Variants in DISP2 observed in about 807,000 individuals in gnomAD.
DISP2 encodes the protein protein dispatched homolog 2.
A neutral mutation model predicts 95.5 loss-of-function variants in DISP2; 59 were observed. The observed-to-expected ratio is 0.62, with a 90% CI of 0.50 to 0.77. DISP2 has a LOEUF of 0.77. Ranked by LOEUF, DISP2 falls within the 30% of genes least tolerant of loss-of-function variation. The probability of loss-of-function intolerance (pLI) is 0.00; values close to 1 mark genes in which losing one functional copy is unlikely to be tolerated. For synonymous variants in DISP2, 827 were observed against 815.0 expected (o/e 1.01, Z -0.25); for missense variants, 1,752 against 1,854.6 (o/e 0.94, Z 1.02).
In DISP2 at chr15:40,368,840, A is replaced by C. The variant is rs1191436562; in HGVS notation, c.2728A>C (p.Asn910His). 1 of 1,613,992 alleles carries C rather than the reference A, an allele frequency of 6.2e-7. No individual in the cohort carries two copies. Among genetic ancestry groups the C allele is most frequent in the Admixed American group, 1.7e-5 (1 of 60,034 alleles). ...LAALVLQFQTNFRNSPDYNQT... is the reference protein window; with the variant it reads ...LAALVLQFQTHFRNSPDYNQT... The stretch of plus-strand genomic sequence containing the variant: ...CGCCCTGGTCCTACAATTCCAGACC[A>C]ACTTCCGGAACAGTCCGGACTACAA... The change falls in exon 8 of 8, where the codon AAC (asparagine) becomes CAC (histidine). Residue 910 changes from asparagine (N) to histidine (H), a missense_variant. This residue lies in a region of DISP2 where 317 missense variants were observed against 394.9 expected (regional missense o/e 0.80). Coordinates refer to ENST00000267889, the MANE Select transcript of DISP2 (RefSeq NM_033510.3).
Position 40,368,458 on chromosome 15 carries a change from C to T in DISP2, c.2346C>T (p.Asp782=), listed in dbSNP as rs1264661910. ...TGGTGTGGGGCGTCCTGCCTGTGGACACTGGCGACCCTCTGGACCCTCGTA... is the reference window on the plus strand; with the variant it reads ...TGGTGTGGGGCGTCCTGCCTGTGGATACTGGCGACCCTCTGGACCCTCGTA... ...VVLVWGVLPV[D]TGDPLDPRSN... Residue 782 remains aspartate (D), a synonymous_variant, in exon 8 of 8, where the codon GAC becomes GAT. Coordinates refer to ENST00000267889, the MANE Select transcript of DISP2 (RefSeq NM_033510.3). The T allele has an allele frequency of 1.9e-6, 3 of 1,609,524 alleles. No homozygotes were observed. The highest frequency in any genetic ancestry group is 2.2e-5 in the East Asian group (1 of 44,872).
rs1406654922 is a variant in DISP2, at chr15:40,373,291, A to G, written c.*2973A>G. 6.6e-6 allele frequency: 1 copy of G among 152,170 alleles called. No homozygotes were observed. The highest frequency in any genetic ancestry group is 1.5e-5 in the Non-Finnish European group (1 of 68,032). 9.4% of individuals were successfully genotyped at this position (152,170 alleles called of 1,614,324 possible). On this transcript the variant is annotated 3_prime_UTR_variant, in exon 8 of 8. Coordinates refer to ENST00000267889, the MANE Select transcript of DISP2 (RefSeq NM_033510.3). ...AAAATTCAAGAAATGATTTCTCCCCACTCAGACACTCTAATAGAACTACAT... is the reference window on the plus strand; with the variant it reads ...AAAATTCAAGAAATGATTTCTCCCCGCTCAGACACTCTAATAGAACTACAT...
At position 40,358,444 on chromosome 15, in the gene DISP2, G is replaced by GGGCGGACAGCTCC. The variant is rs1420400730; in HGVS notation, c.119+6_119+18dup. 17 of 1,308,988 alleles carry GGGCGGACAGCTCC rather than the reference G, an allele frequency of 1.3e-5. No homozygotes were observed. Among genetic ancestry groups the GGGCGGACAGCTCC allele is most frequent in the African/African-American group, 1.5e-5 (1 of 64,940 alleles). The allele number at this position is 1,308,988 out of a possible 1,614,324, so 81.1% of individuals were successfully genotyped here. Reference sequence around the variant, plus strand: ...CAGACGGCGGCTCCCCGGACAGGTAGGGCGGACAGCTCCGCAGATCCGTAT... The same window carrying GGGCGGACAGCTCC: ...CAGACGGCGGCTCCCCGGACAGGTAGGGCGGACAGCTCCGGCGGACAGCTCCGCAGATCCGTAT... On this transcript the variant is annotated splice_donor_region_variant and intron_variant, in intron 1 of 7. Transcript: ENST00000267889.
rs1371820136 is a variant in DISP2 at position 40,370,694 on chromosome 15, C to T, written c.*376C>T. On this transcript the variant is annotated 3_prime_UTR_variant, in exon 8 of 8. Transcript: ENST00000267889. ...CAAGAACTTCAGTGAGACTAAGGGA[C>T]CCCCATCCTAGGGATCTTGTCAGGG... 2 of 484,768 alleles carry T rather than the reference C, an allele frequency of 4.1e-6. No homozygotes were observed. The highest frequency in any genetic ancestry group is 1.9e-5 in the African/African-American group (1 of 51,470). 30.0% of individuals were successfully genotyped at this position (484,768 alleles called of 1,614,324 possible).
rs1889749894 is a variant in DISP2, at chr15:40,377,741, T to C, written c.*7423T>C. 1 of 152,350 alleles carries C rather than the reference T, an allele frequency of 6.6e-6. No individual in the cohort carries two copies. The highest frequency in any genetic ancestry group is 2.4e-5 in the African/African-American group (1 of 41,430). 9.4% of individuals were successfully genotyped at this position (152,350 alleles called of 1,614,324 possible). ...GTGTTCCACAGAGCATGATTCATCATATAAGTGTAAGGAAACCACTTGAGA... is the reference window on the plus strand; with the variant it reads ...GTGTTCCACAGAGCATGATTCATCACATAAGTGTAAGGAAACCACTTGAGA... On this transcript the variant is annotated 3_prime_UTR_variant, in exon 8 of 8. Coordinates refer to ENST00000267889, the MANE Select transcript of DISP2 (RefSeq NM_033510.3).
rs1358511109 is a variant in DISP2, at chr15:40,368,316, C to G, written c.2204C>G (p.Pro735Arg). Residue 735 changes from proline (P) to arginine (R), a missense_variant, in exon 8 of 8, where the codon CCC becomes CGC. Pro to Arg is a moderately radical substitution (Grantham distance 103, BLOSUM62 -2). Around this residue, in one of 5 missense-constraint regions of DISP2, gnomAD observed 732 missense variants for 714.6 expected, o/e 1.02. Coordinates refer to ENST00000267889, the MANE Select transcript of DISP2 (RefSeq NM_033510.3). The part of the protein sequence containing the change: ...PRLRLPTLPP[P>R]GGQVFRPSHP... Reference sequence around the variant, plus strand: ...CTGCGGCTGCCCACGCTGCCGCCGCCCGGCGGCCAGGTCTTCCGGCCCAGC... The same window carrying G: ...CTGCGGCTGCCCACGCTGCCGCCGCGCGGCGGCCAGGTCTTCCGGCCCAGC... The G allele has an allele frequency of 1.2e-6, 2 of 1,603,416 alleles. No individual in the cohort carries two copies. The highest frequency in any genetic ancestry group is 8.5e-7 in the Non-Finnish European group (1 of 1,176,392).
Position 40,368,549 on chromosome 15 carries a change from C to T in DISP2, c.2437C>T (p.Leu813=). Residue 813 remains leucine, a synonymous_variant, in exon 8 of 8, where the codon CTG becomes TTG. Coordinates refer to ENST00000267889, the MANE Select transcript of DISP2 (RefSeq NM_033510.3). ...ASGPEAQRWL[L]ALCHRARNQS... is the part of the protein sequence containing the mutation. ...CGGCCCTGAGGCCCAGCGCTGGCTG[C>T]TGGCACTCTGTCACCGGGCCCGGAA... 1 of 1,604,536 alleles carries T rather than the reference C, an allele frequency of 6.2e-7. No individual in the cohort carries two copies. The highest frequency in any genetic ancestry group is 8.5e-7 in the Non-Finnish European group (1 of 1,179,914).
In DISP2 at chr15:40,359,713, T is replaced by C. The variant is rs976733297; in HGVS notation, c.119+1273T>C. On this transcript the variant is annotated intron_variant, in intron 1 of 7. Transcript: ENST00000267889. The stretch of plus-strand genomic sequence containing the variant: ...AACTCCCTGGGGCCTCTGGCCCCTC[T>C]CTGGACTTCTCCAGAGACCATAGAC... Among the ~76,000 whole-genome samples, 3 of 152,256 alleles carry C rather than the reference T, an allele frequency of 2.0e-5. No homozygotes were observed. The East Asian group carries it at 5.8e-4, about 29-fold the overall frequency.
In DISP2 at chr15:40,371,963, C is replaced by G. The variant is rs1440542665; in HGVS notation, c.*1645C>G. On this transcript the variant is annotated 3_prime_UTR_variant, in exon 8 of 8. Transcript: ENST00000267889. ...ACCCAGGACTGGGTAACAAGAAAGGCTTTCTGGAGGAGGAAAAACTTGAGC... is the reference window on the plus strand; with the variant it reads ...ACCCAGGACTGGGTAACAAGAAAGGGTTTCTGGAGGAGGAAAAACTTGAGC... 1 of 152,158 alleles carries G rather than the reference C, an allele frequency of 6.6e-6. No individual in the cohort carries two copies. Among genetic ancestry groups the G allele is most frequent in the Admixed American group, 6.5e-5 (1 of 15,272 alleles). The allele number at this position is 152,158 out of a possible 1,614,324, so 9.4% of individuals were successfully genotyped here.
chr15:40,366,013 C>T lies in DISP2; in HGVS notation c.945+288C>T, dbSNP rs147873947. 1.2e-3 allele frequency among the ~76,000 whole-genome samples: 185 copies of T among 152,350 alleles called. 3 individuals carry two copies. Among genetic ancestry groups the T allele is most frequent in the East Asian group, 6.9e-3 (36 of 5,182 alleles). On this transcript the variant is annotated intron_variant, in intron 7 of 7. Coordinates refer to ENST00000267889, the MANE Select transcript of DISP2 (RefSeq NM_033510.3). ...GGCCCTCCAGAGCGGGTGAGGAGGC[C>T]CTGGCCCAGGGAGCTGAGACTGTGG...
Position 40,367,670 on chromosome 15 carries a change from G to A in DISP2, c.1558G>A (p.Val520Met), listed in dbSNP as rs138998520. The stretch of plus-strand genomic sequence containing the variant: ...CCTCACGCTCATGGTGCTGCTGGGG[G>A]TGCTGGGCTCACTGCTGGTGGCCTT... The part of the protein sequence containing the change: ...LFLTLMVLLG[V>M]LGSLLVAFFL... Residue 520 changes from valine (V) to methionine (M), a missense_variant, in exon 8 of 8, where the codon GTG (valine) becomes ATG (methionine). Physicochemically the swap from Val to Met is conservative, Grantham distance 21. Around this residue, in one of 5 missense-constraint regions of DISP2, gnomAD observed 732 missense variants for 714.6 expected, o/e 1.02. Transcript: ENST00000267889. 4,921 of 1,614,020 alleles carry A rather than the reference G, an allele frequency of 3.0e-3. 16 individuals carry two copies. The highest frequency in any genetic ancestry group is 9.9e-3 in the Middle Eastern group (60 of 6,062).
Position 40,370,488 on chromosome 15 carries a change from T to C in DISP2, c.*170T>C. 2 of 1,188,544 alleles carry C rather than the reference T, an allele frequency of 1.7e-6. No homozygotes were observed. The highest frequency in any genetic ancestry group is 2.4e-6 in the Non-Finnish European group (2 of 843,014). 73.6% of individuals were successfully genotyped at this position (1,188,544 alleles called of 1,614,324 possible). ...GATGTCCCAGCCTTGATCTGTCTGC[T>C]CCTACTCCTCACATCTGGAGGATTC... On this transcript the variant is annotated 3_prime_UTR_variant, in exon 8 of 8. Transcript: ENST00000267889.
In DISP2 at chr15:40,376,107, T is replaced by A. The variant is rs76378943; in HGVS notation, c.*5789T>A. ...TCTTCATTTAAGAATTCAAATTCAT[T>A]GACATGTTATATTGTAAAATATATA... On this transcript the variant is annotated 3_prime_UTR_variant, in exon 8 of 8. Transcript: ENST00000267889. 1 of 152,130 alleles carries A rather than the reference T, an allele frequency of 6.6e-6. No individual in the cohort carries two copies. The highest frequency in any genetic ancestry group is 1.9e-4 in the East Asian group (1 of 5,190). 9.4% of individuals were successfully genotyped at this position (152,130 alleles called of 1,614,324 possible).
chr15:40,364,457 G>A lies in DISP2; in HGVS notation c.516G>A (p.Val172=). The A allele has an allele frequency of 2.5e-6, 4 of 1,613,990 alleles. No homozygotes were observed. The highest frequency in any genetic ancestry group is 3.4e-6 in the Non-Finnish European group (4 of 1,180,046). The change falls in exon 4 of 8, where the codon GTG becomes GTA. Residue 172 remains valine, a synonymous_variant. Transcript: ENST00000267889. ...TGATTGCTGAGTGGCCAGTGGCCGT[G>A]CTGATGCTGTGTCTGGCTGTCATCT... ...SQLIAEWPVA[V]LMLCLAVIFL...
At chr15:40,359,609 G>A (rs1889375474) in intron 1 of DISP2, among the ~76,000 whole-genome samples, 1 of 152,206 alleles carries the variant, frequency 6.6e-6, no homozygotes, top group Non-Finnish European at 1.5e-5. Context: ...GTCATTTGCT[G>A]TCTCAGATAT....
Position 40,367,354 on chromosome 15 carries a change from T to C in DISP2, c.1242T>C (p.Phe414=). The C allele has an allele frequency of 6.2e-7, 1 of 1,613,468 alleles. No homozygotes were observed. The highest frequency in any genetic ancestry group is 8.5e-7 in the Non-Finnish European group (1 of 1,179,930). The change falls in exon 8 of 8, where the codon TTT becomes TTC. Residue 414 remains phenylalanine, a synonymous_variant. Transcript: ENST00000267889. ...GTGCCATCTACCAACTCCTGCACTT[T>C]CTGCTTGACAGGGACTTTCTGAGTC... ...QSSAIYQLLH[F]LLDRDFLSPQ... is the part of the protein sequence containing the mutation.
intron 4 of DISP2, 96 bp downstream of exon 4, chr15:40,364,640 G>A (rs941238297): frequency 9.1e-6 from 14 of 1,545,218 alleles, no homozygotes; most frequent in Non-Finnish European, 1.7e-6. Flanking sequence ...TGGTAGCCTG[G>A]GGATAGGGTA....
At chr15:40,361,674 A>G (rs1040294184) in intron 1 of DISP2, among the ~76,000 whole-genome samples, 4 of 152,216 alleles carry the variant, frequency 2.6e-5, no homozygotes, top group African/African-American at 9.7e-5. Context: ...GAAAGAAAGA[A>G]AGAGCATGTT....
At position 40,370,052 on chromosome 15, in the gene DISP2, G is replaced by A. The variant is rs762208798; in HGVS notation, c.3940G>A (p.Gly1314Ser). Residue 1314 changes from glycine (G) to serine (S), a missense_variant, in exon 8 of 8, where the codon GGT (glycine) becomes AGT (serine). This residue lies in a region of DISP2 where 347 missense variants were observed against 344.2 expected (regional missense o/e 1.01). Coordinates refer to ENST00000267889, the MANE Select transcript of DISP2 (RefSeq NM_033510.3). ...CAGTGCCCGTGTACCAGATTCCGTG[G>A]GTGTGTCCCCAGATGACCTGGATGA... ...EPSARVPDSVGVSPDDLDDTG... is the reference protein window; with the variant it reads ...EPSARVPDSVSVSPDDLDDTG... 1.1e-4 allele frequency: 173 copies of A among 1,613,968 alleles called. No homozygotes were observed. The highest frequency in any genetic ancestry group is 1.4e-4 in the Non-Finnish European group (171 of 1,180,012).
Sources: allele counts gnomAD v4.1 joint callset (sites outside exome capture counted in the v4.1 genomes callset), GRCh38; gene constraint gnomAD v4.1.1; regional missense constraint gnomAD v4.1.1; transcripts MANE v1.5; gene names NCBI Gene and HGNC (gene_info 2026-07-23, HGNC 2026-07-21).